Variants in STAG1 observed in about 807,000 individuals in gnomAD.
STAG1 encodes the protein STAG1 cohesin complex component.
Under a neutral mutation model 170.9 loss-of-function variants are expected in STAG1, and 26 were observed. The observed-to-expected ratio is 0.15, with a 90% CI of 0.11 to 0.21. STAG1 has a LOEUF of 0.21. Ranked by LOEUF, STAG1 falls within the 10% of genes least tolerant of loss-of-function variation. STAG1 has a pLI of 1.00. For synonymous variants in STAG1, 514 were observed against 497.7 expected, an observed-to-expected ratio of 1.03 and a Z score of -0.44; for missense variants, 964 against 1,509.5, an observed-to-expected ratio of 0.64 and a Z score of 5.99.
chr3:136,524,112 T>G (rs1370876777), intron 6 of STAG1, among the ~76,000 whole-genome samples: 2 of 151,948 alleles, frequency 1.3e-5, no homozygotes, highest in Non-Finnish European at 2.9e-5. Context: ...TTTAAAGTAG[T>G]TTTTTCCACT....
At chr3:136,561,816 C>CT (rs1936853298) in intron 5 of STAG1, among the ~76,000 whole-genome samples, 79 of 59,592 alleles carry the variant, frequency 1.3e-3, no homozygotes, top group South Asian at 6.4e-3. Flanking sequence ...GGGGTTAAAA[C>CT]ATTTTTTTTT....
At chr3:136,582,690 T>C (rs192411989) in intron 4 of STAG1, among the ~76,000 whole-genome samples, 1 of 152,192 alleles carries the variant, frequency 6.6e-6, no homozygotes, top group Admixed American at 6.5e-5. Flanking sequence ...TCCCAGTTAC[T>C]TGGGAGGCTG....
At chr3:136,494,367 T>G (rs1462556738) in intron 9 of STAG1, among the ~76,000 whole-genome samples, 1 of 152,200 alleles carries the variant, frequency 6.6e-6, no homozygotes, top group East Asian at 1.9e-4. Context: ...AAGAAAAGCC[T>G]GGTATTAAAG....
intron 4 of STAG1, among the ~76,000 whole-genome samples, chr3:136,572,921 A>C (rs760403837): frequency 3.3e-5 from 5 of 152,226 alleles, no homozygotes; most frequent in Non-Finnish European, 5.9e-5. Context: ...TCACACTTGT[A>C]ATCTCAGAGC....
At position 136,604,492 on chromosome 3, in the gene STAG1, A is replaced by T. The variant is rs201742919; in HGVS notation, c.133-19T>A. 5.0e-6 allele frequency: 8 copies of T among 1,584,438 alleles called. No homozygotes were observed. In the East Asian group the frequency reaches 1.8e-4, roughly 36 times the overall value. On this transcript the variant is annotated intron_variant, in intron 3 of 33. Coordinates refer to ENST00000383202, the MANE Select transcript of STAG1 (RefSeq NM_005862.3). ...TTGTAGACTGAAAAAAAGATAAAAA[A>T]AGATTCCATTCGATTAGGTTTACTT...
intron 1 of STAG1, among the ~76,000 whole-genome samples, chr3:136,706,094 C>A (rs2107913749): frequency 6.6e-6 from 1 of 152,164 alleles, no homozygotes; most frequent in South Asian, 2.1e-4. Context: ...AAACAAAAAA[C>A]TCAGGAAACC....
chr3:136,664,894 T>C (rs374485053), intron 1 of STAG1, among the ~76,000 whole-genome samples: 14 of 152,312 alleles, frequency 9.2e-5, no homozygotes, highest in South Asian at 6.2e-4. Context: ...AAAGAAAAGA[T>C]ATTTTTTTAA....
intron 1 of STAG1, among the ~76,000 whole-genome samples, chr3:136,650,164 C>G (rs966317833): frequency 1.3e-5 from 2 of 150,254 alleles, no homozygotes; most frequent in East Asian, 3.9e-4. Flanking sequence ...GAAGCCCAGG[C>G]AGTCGAGGCT....
intron 1 of STAG1, among the ~76,000 whole-genome samples, chr3:136,679,110 T>A (rs1476477748): frequency 3.9e-5 from 6 of 152,116 alleles, no homozygotes; most frequent in Non-Finnish European, 8.8e-5. Context: ...CCTATTGGGC[T>A]GGCAAACTTA....
At chr3:136,415,227 A>G (rs1212713308) in intron 21 of STAG1, among the ~76,000 whole-genome samples, 1 of 152,186 alleles carries the variant, frequency 6.6e-6, no homozygotes, top group Non-Finnish European at 1.5e-5. Context: ...CCACGCAATA[A>G]AGCAAAGCAC....
chr3:136,408,950 C>A (rs1268152953), intron 21 of STAG1, among the ~76,000 whole-genome samples: 1 of 152,050 alleles, frequency 6.6e-6, no homozygotes, highest in African/African-American at 2.4e-5. Flanking sequence ...TAGCATGACT[C>A]TATCAATATA....
chr3:136,558,181 C>T (rs563911000), intron 5 of STAG1, among the ~76,000 whole-genome samples: 7 of 152,080 alleles, frequency 4.6e-5, no homozygotes, highest in Non-Finnish European at 7.4e-5. Context: ...CACCTGAGGT[C>T]GGGAGTTTGA....
intron 3 of STAG1, among the ~76,000 whole-genome samples, chr3:136,612,038 T>C (rs1412121971): frequency 3.3e-5 from 5 of 151,764 alleles, no homozygotes; most frequent in African/African-American, 1.2e-4. Context: ...TAGTAGAGAC[T>C]GGGTTTCACT....
chr3:136,561,500 G>A (rs564739739), intron 5 of STAG1, among the ~76,000 whole-genome samples: 10 of 152,164 alleles, frequency 6.6e-5, no homozygotes, highest in South Asian at 2.1e-4. Context: ...TTGAAAAGGA[G>A]GTCTTTAAAT....
In STAG1 at chr3:136,633,710, A is replaced by AAGG. The variant is rs1491192814; in HGVS notation, c.-83-2730_-83-2729insCCT. On this transcript the variant is annotated intron_variant, in intron 1 of 33. Transcript: ENST00000383202. ...GCAAAAGTTTCCATATCAAAAAAAA[A>AAGG]GGGGGGGGGGGGGGTCAGGGGCACA... Among the ~76,000 whole-genome samples, 172 of 44,794 alleles carry AAGG rather than the reference A, an allele frequency of 3.8e-3. 24 individuals are homozygous for AAGG. The highest frequency in any genetic ancestry group is 6.4e-3 in the East Asian group (7 of 1,092). 29.4% of individuals were successfully genotyped at this position (44,794 alleles called of 152,430 possible).
At chr3:136,598,716 C>T (rs1014505549) in intron 4 of STAG1, among the ~76,000 whole-genome samples, 2 of 152,110 alleles carry the variant, frequency 1.3e-5, no homozygotes, top group Admixed American at 6.6e-5. Context: ...CGTGAGCCAC[C>T]GCGCCCGGCC....
chr3:136,725,222 C>CTA (rs1933590902), intron 1 of STAG1, among the ~76,000 whole-genome samples: 1 of 152,078 alleles, frequency 6.6e-6, no homozygotes. Context: ...ATGAGTCACT[C>CTA]TATACATCAA....
At chr3:136,354,214 C>A (rs1313707927) in intron 28 of STAG1, among the ~76,000 whole-genome samples, 1 of 151,724 alleles carries the variant, frequency 6.6e-6, no homozygotes, top group Non-Finnish European at 1.5e-5. Context: ...ACAAGAATAG[C>A]CAAAAAAGGA....
chr3:136,655,104 G>T (rs181578715), intron 1 of STAG1, among the ~76,000 whole-genome samples: 317 of 152,048 alleles, frequency 2.1e-3, no homozygotes, highest in African/African-American at 6.9e-3. Context: ...GAACAACATC[G>T]GCACAGACAA....
Sources: gnomAD v4.1 joint callset for allele counts (sites outside exome capture counted in the v4.1 genomes callset) on GRCh38, gnomAD v4.1.1 for gene constraint, MANE v1.5 for transcripts, NCBI Gene and HGNC (gene_info 2026-07-23, HGNC 2026-07-21) for gene names.